Variants in ADAMTS12 observed in about 807,000 individuals in gnomAD.
The protein encoded by ADAMTS12 is ADAM metallopeptidase with thrombospondin type 1 motif 12, also known as A disintegrin and metalloproteinase with thrombospondin motifs 12.
Under a neutral mutation model 167.8 loss-of-function variants are expected in ADAMTS12, and 118 were observed. The observed-to-expected ratio is 0.70, with a 90% CI of 0.61 to 0.82. The LOEUF (loss-of-function observed/expected upper bound fraction) is 0.82. Ranked by LOEUF, ADAMTS12 falls within the 40% of genes least tolerant of loss-of-function variation. ADAMTS12 has a pLI of 0.00. For synonymous variants in ADAMTS12, 704 were observed against 716.9 expected (o/e 0.98, Z 0.29); for missense variants, 1,916 against 1,998.8 (o/e 0.96, Z 0.79).
At chr5:33,660,487 C>T (rs781386958) in intron 6 of ADAMTS12, among the ~76,000 whole-genome samples, 3 of 152,172 alleles carry the variant, frequency 2.0e-5, no homozygotes, top group Non-Finnish European at 4.4e-5. Context: ...ACATTTCACA[C>T]ATGTAAGCTA....
chr5:33,714,417 A>G (rs1743523620), intron 3 of ADAMTS12, among the ~76,000 whole-genome samples: 1 of 152,104 alleles, frequency 6.6e-6, no homozygotes, highest in African/African-American at 2.4e-5. Context: ...TAAAAATAGA[A>G]CTACCGTATG....
intron 2 of ADAMTS12, among the ~76,000 whole-genome samples, chr5:33,829,608 C>T (rs547271049): frequency 6.6e-6 from 1 of 152,202 alleles, no homozygotes; most frequent in African/African-American, 2.4e-5. Context: ...TTTGTGCTGC[C>T]CCCTGCCTTC....
In ADAMTS12 at chr5:33,737,733, A is replaced by G. The variant is rs73759080; in HGVS notation, c.634+13671T>C. Among the ~76,000 whole-genome samples the G allele has an allele frequency of 5.8e-3, 888 of 152,362 alleles. 10 individuals carry two copies. Among genetic ancestry groups the G allele is most frequent in the African/African-American group, 0.021 (853 of 41,594 alleles). On this transcript the variant is annotated intron_variant, in intron 3 of 23. Coordinates refer to ENST00000504830, the MANE Select transcript of ADAMTS12 (RefSeq NM_030955.4). The stretch of plus-strand genomic sequence containing the variant: ...CACTAACTGAGATTTACAAAATATC[A>G]TAAATAGCCTCATGTTAATTCAAGT...
At chr5:33,663,646 T>C (rs1410442644) in intron 5 of ADAMTS12, among the ~76,000 whole-genome samples, 1 of 152,184 alleles carries the variant, frequency 6.6e-6, no homozygotes, top group African/African-American at 2.4e-5. Context: ...TTAGCTCAGA[T>C]ACTGAGTCAA....
chr5:33,600,186 T>G (rs1032776314), intron 16 of ADAMTS12, among the ~76,000 whole-genome samples: 2 of 152,220 alleles, frequency 1.3e-5, no homozygotes, highest in Non-Finnish European at 2.9e-5. Flanking sequence ...AAATGTTATT[T>G]CCAGATGATT....
At chr5:33,709,844 C>T (rs1435118163) in intron 3 of ADAMTS12, among the ~76,000 whole-genome samples, 1 of 151,802 alleles carries the variant, frequency 6.6e-6, no homozygotes, top group Non-Finnish European at 1.5e-5. Flanking sequence ...ACATGTATTC[C>T]AGAAATTAAA....
At chr5:33,818,530 T>C (rs1747748685) in intron 2 of ADAMTS12, among the ~76,000 whole-genome samples, 2 of 152,128 alleles carry the variant, frequency 1.3e-5, no homozygotes, top group Non-Finnish European at 2.9e-5. Context: ...AGTAATGCTG[T>C]AATTCACATG....
chr5:33,884,776 C>T lies in ADAMTS12; in HGVS notation c.128-3296G>A, dbSNP rs189570872. 1.6e-4 allele frequency among the ~76,000 whole-genome samples: 25 copies of T among 152,276 alleles called. No individual in the cohort carries two copies. The East Asian group carries it at 4.0e-3, about 25-fold the overall frequency. On this transcript the variant is annotated intron_variant, in intron 1 of 23. Transcript: ENST00000504830. ...AATTAATCTTTTCTTTCTTCTCAGACTTAAGGTCTTGGCAGAAACTGAGAC... is the reference window on the plus strand; with the variant it reads ...AATTAATCTTTTCTTTCTTCTCAGATTTAAGGTCTTGGCAGAAACTGAGAC...
intron 5 of ADAMTS12, among the ~76,000 whole-genome samples, chr5:33,670,157 T>TAAA (rs59996249): frequency 7.0e-4 from 105 of 150,436 alleles, no homozygotes; most frequent in Middle Eastern, 3.4e-3. Context: ...CACTCAACAA[T>TAAA]AAAAAAAAAT....
intron 2 of ADAMTS12, among the ~76,000 whole-genome samples, chr5:33,826,309 C>T (rs1748066825): frequency 1.3e-5 from 2 of 152,018 alleles, no homozygotes. Context: ...AAATGATAGT[C>T]TGCTCAGTGA....
intron 14 of ADAMTS12, among the ~76,000 whole-genome samples, chr5:33,616,605 T>C (rs2044853093): frequency 6.6e-6 from 1 of 152,270 alleles, no homozygotes; most frequent in Non-Finnish European, 1.5e-5. Context: ...CACCTGGCTA[T>C]CTTGAATACA....
At position 33,891,737 on chromosome 5, in the gene ADAMTS12, C is replaced by T. The variant is rs988107850; in HGVS notation, c.120G>A (p.Arg40=). 1.9e-6 allele frequency: 3 copies of T among 1,614,086 alleles called. No homozygotes were observed. The highest frequency in any genetic ancestry group is 1.3e-5 in the African/African-American group (1 of 74,924). ...PQPGPVRFPD[R]RQEHFIKGLP... Reference sequence around the variant, plus strand: ...TAAAGAAGAGTCACTAACCTTGCCTCCTGTCCGGGAAGCGAACCGGGCCTG... The same window carrying T: ...TAAAGAAGAGTCACTAACCTTGCCTTCTGTCCGGGAAGCGAACCGGGCCTG... The change falls in exon 1 of 24, where the codon AGG becomes AGA. Residue 40 remains arginine (R), a synonymous_variant. Transcript: ENST00000504830.
rs775474806 is a variant in ADAMTS12 at position 33,648,810 on chromosome 5, AG to A, written c.1479+11del. The stretch of plus-strand genomic sequence containing the variant: ...TGAAGCCCTGCATATAGCCACCAAG[AG>A]GTACACTTACTTCTACTTCCTGGCA... On this transcript the variant is annotated intron_variant, in intron 9 of 23. Transcript: ENST00000504830. The A allele has an allele frequency of 3.6e-5, 58 of 1,613,816 alleles. No homozygotes were observed. In the Middle Eastern group the frequency reaches 1.3e-3, roughly 37 times the overall value.
intron 20 of ADAMTS12, among the ~76,000 whole-genome samples, chr5:33,558,580 C>T (rs1745590717): frequency 6.6e-6 from 1 of 152,152 alleles, no homozygotes; most frequent in Non-Finnish European, 1.5e-5. Context: ...CCTTAGGAGG[C>T]CGGACCCCAG....
chr5:33,774,627 A>C lies in ADAMTS12; in HGVS notation c.490-23079T>G, dbSNP rs189114305. ...GTTAGAATTAACTCATAGAAGATTG[A>C]AAAGTTGAAAATTATTTTTGTCCAG... On this transcript the variant is annotated intron_variant, in intron 2 of 23. Coordinates refer to ENST00000504830, the MANE Select transcript of ADAMTS12 (RefSeq NM_030955.4). Among the ~76,000 whole-genome samples the C allele has an allele frequency of 4.2e-3, 621 of 149,264 alleles. 2 individuals are homozygous for C. Among genetic ancestry groups the C allele is most frequent in the Admixed American group, 4.4e-3 (67 of 15,096 alleles).
chr5:33,579,589 A>G (rs1485625911), intron 18 of ADAMTS12, among the ~76,000 whole-genome samples: 1 of 151,994 alleles, frequency 6.6e-6, no homozygotes, highest in Non-Finnish European at 1.5e-5. Context: ...TATCCCCTCC[A>G]CCTCCCCATT....
chr5:33,658,154 G>C, intron 7 of ADAMTS12, 30 bp downstream of exon 7: 9 of 1,611,290 alleles, frequency 5.6e-6, no homozygotes, highest in Non-Finnish European at 7.6e-6. Context: ...TGAATATGGT[G>C]AGCAAACCTC....
intron 2 of ADAMTS12, among the ~76,000 whole-genome samples, chr5:33,776,657 A>T (rs1745920451): frequency 6.6e-6 from 1 of 152,138 alleles, no homozygotes; most frequent in Non-Finnish European, 1.5e-5. Context: ...TACCTTAAGA[A>T]ATCAGAAAAA....
At chr5:33,773,621 T>A (rs894914177) in intron 2 of ADAMTS12, among the ~76,000 whole-genome samples, 1 of 152,080 alleles carries the variant, frequency 6.6e-6, no homozygotes, top group African/African-American at 2.4e-5. Flanking sequence ...TGAAACTAAG[T>A]CTGTGAATAA....
Sources: allele counts gnomAD v4.1 joint callset (sites outside exome capture counted in the v4.1 genomes callset), GRCh38; gene constraint gnomAD v4.1.1; transcripts MANE v1.5; gene names NCBI Gene and HGNC (gene_info 2026-07-23, HGNC 2026-07-21).